The following NRXN1 variants were observed in gnomAD, a reference collection of about 807,000 sequenced individuals.
The protein encoded by NRXN1 is neurexin-1.
In NRXN1, 39 loss-of-function variants were observed where a neutral mutation model predicts 150.9. That is an observed-to-expected ratio of 0.26 (90% CI 0.20 to 0.34). NRXN1 has a LOEUF of 0.34. Among genes scored for constraint, NRXN1 ranks in the 10% least tolerant of loss-of-function variants. NRXN1 has a pLI of 1.00. For missense variants in NRXN1, 1,815 were observed against 1,949.9 expected (o/e 0.93, Z 1.30); for synonymous variants, 924 against 757.0 (o/e 1.22, Z -3.62).
At chr2:50,662,408 T>C (rs1014325153) in intron 5 of NRXN1, among the ~76,000 whole-genome samples, 1 of 151,982 alleles carries the variant, frequency 6.6e-6, no homozygotes, top group African/African-American at 2.4e-5. Flanking sequence ...AAGAAAATGA[T>C]GGTATTGTCC....
chr2:50,854,454 C>G (rs1252931944), intron 5 of NRXN1, among the ~76,000 whole-genome samples: 1 of 152,076 alleles, frequency 6.6e-6, no homozygotes. Flanking sequence ...TAGCTTTGCA[C>G]TGCAGTAAAG....
intron 8 of NRXN1, among the ~76,000 whole-genome samples, chr2:50,584,639 A>C (rs57461130): frequency 0.088 from 13,332 of 152,212 alleles, 1,092 homozygotes; most frequent in African/African-American, 0.22. Context: ...AGCAAAGAAG[A>C]GCAGGTTTTC....
chr2:50,786,839 T>C (rs1317684435), intron 5 of NRXN1, among the ~76,000 whole-genome samples: 1 of 152,140 alleles, frequency 6.6e-6, no homozygotes, highest in Non-Finnish European at 1.5e-5. Flanking sequence ...ATTAGCTTAG[T>C]CAATCTGTTT....
chr2:50,102,870 T>C (rs1481142992), intron 18 of NRXN1, among the ~76,000 whole-genome samples: 1 of 152,074 alleles, frequency 6.6e-6, no homozygotes, highest in Non-Finnish European at 1.5e-5. Flanking sequence ...GCAAATTATA[T>C]GTGAACATGT....
intron 18 of NRXN1, among the ~76,000 whole-genome samples, chr2:50,140,054 G>C (rs1707042951): frequency 6.6e-6 from 1 of 151,884 alleles, no homozygotes; most frequent in African/African-American, 2.4e-5. Flanking sequence ...TGAATTATAA[G>C]GATAGCCATT....
At chr2:50,178,659 G>T (rs1448906784) in intron 18 of NRXN1, among the ~76,000 whole-genome samples, 2 of 152,120 alleles carry the variant, frequency 1.3e-5, no homozygotes, top group Non-Finnish European at 2.9e-5. Context: ...CCAGCTAGAA[G>T]TGGGACATAA....
intron 5 of NRXN1, among the ~76,000 whole-genome samples, chr2:50,769,103 T>C (rs1702706462): frequency 6.6e-6 from 1 of 152,082 alleles, no homozygotes; most frequent in Admixed American, 6.6e-5. Flanking sequence ...TATACATCAA[T>C]GTATGAGTTT....
At chr2:50,385,617 T>C (rs189591803) in intron 17 of NRXN1, among the ~76,000 whole-genome samples, 49 of 152,298 alleles carry the variant, frequency 3.2e-4, no homozygotes, top group African/African-American at 1.1e-3. Context: ...TACCACCACT[T>C]TGATTTCTAT....
At chr2:50,259,011 G>C (rs2067990433) in intron 17 of NRXN1, among the ~76,000 whole-genome samples, 1 of 151,952 alleles carries the variant, frequency 6.6e-6, no homozygotes, top group Admixed American at 6.6e-5. Context: ...CACAGGCAAA[G>C]CACATTTAGC....
At chr2:50,001,044 GGAAA>G (rs1558667207) in intron 21 of NRXN1, among the ~76,000 whole-genome samples, 1 of 152,100 alleles carries the variant, frequency 6.6e-6, no homozygotes, top group Non-Finnish European at 1.5e-5. Context: ...TTGCTCAAAA[GGAAA>G]GAGAGAATAG....
chr2:50,205,755 G>A (rs748130654), intron 18 of NRXN1, among the ~76,000 whole-genome samples: 14 of 151,908 alleles, frequency 9.2e-5, no homozygotes, highest in Non-Finnish European at 2.1e-4. Context: ...TTCATACAAT[G>A]GAATATTATT....
chr2:50,078,086 C>G (rs1468151413), intron 19 of NRXN1, among the ~76,000 whole-genome samples: 3 of 152,020 alleles, frequency 2.0e-5, no homozygotes, highest in Non-Finnish European at 4.4e-5. Flanking sequence ...AGGCTTCATA[C>G]TTCAAAAGGT....
intron 5 of NRXN1, among the ~76,000 whole-genome samples, chr2:50,765,698 A>G (rs937196440): frequency 1.4e-4 from 22 of 152,062 alleles, no homozygotes; most frequent in Non-Finnish European, 2.6e-4. Flanking sequence ...TTGCGCAGTA[A>G]TTCAGCCATG....
chr2:50,861,605 A>G lies in NRXN1; in HGVS notation c.832+60264T>C, dbSNP rs931266218. Among the ~76,000 whole-genome samples the G allele has an allele frequency of 2.2e-4, 33 of 152,060 alleles. 1 individual carries two copies. The highest frequency in any genetic ancestry group is 1.9e-3 in the Admixed American group (29 of 15,270). On this transcript the variant is annotated intron_variant, in intron 5 of 22. Coordinates refer to ENST00000401669, the MANE Select transcript of NRXN1 (RefSeq NM_001330078.2). ...TCATAACCAGAGGAGCGTTTAGTCC[A>G]TGGTCCTGGTTCCCACAGTCAAACT... is the stretch of plus-strand genomic sequence containing the variant.
intron 18 of NRXN1, among the ~76,000 whole-genome samples, chr2:50,110,329 A>C (rs1702208831): frequency 6.6e-6 from 1 of 151,890 alleles, no homozygotes; most frequent in African/African-American, 2.4e-5. Context: ...TCTCTACTAA[A>C]AATACAAAAA....
At chr2:50,646,527 C>T (rs564431650) in intron 5 of NRXN1, among the ~76,000 whole-genome samples, 2 of 151,488 alleles carry the variant, frequency 1.3e-5, no homozygotes, top group Admixed American at 6.6e-5. Context: ...CTGAGGAGAA[C>T]CAGCTCTTTG....
intron 5 of NRXN1, among the ~76,000 whole-genome samples, chr2:50,887,300 T>C (rs1450214077): frequency 6.6e-6 from 1 of 151,508 alleles, no homozygotes; most frequent in African/African-American, 2.4e-5. Flanking sequence ...TGCCAAACTC[T>C]ACATAAAAAC....
chr2:50,397,455 A>C (rs1208727606), intron 17 of NRXN1, among the ~76,000 whole-genome samples: 2 of 152,120 alleles, frequency 1.3e-5, no homozygotes, highest in Non-Finnish European at 2.9e-5. Flanking sequence ...TGGCTCCTTC[A>C]ATGCTAACAG....
intron 18 of NRXN1, among the ~76,000 whole-genome samples, chr2:50,135,522 TC>T (rs1445809027): frequency 6.6e-6 from 1 of 151,962 alleles, no homozygotes; most frequent in Admixed American, 6.6e-5. Flanking sequence ...GAAACCCATC[TC>T]TACTAAAAAT....
Sources: gnomAD v4.1 joint callset for allele counts (sites outside exome capture counted in the v4.1 genomes callset) on GRCh38, gnomAD v4.1.1 for gene constraint, MANE v1.5 for transcripts, NCBI Gene and HGNC (gene_info 2026-07-23, HGNC 2026-07-21) for gene names.